Variants in MEIOSIN observed in about 807,000 individuals in gnomAD.
MEIOSIN encodes meiosis initiator protein.
In MEIOSIN, 18 loss-of-function variants were observed where a neutral mutation model predicts 23.4. The ratio of observed to expected loss-of-function variants is 0.77; its 90% CI spans 0.53 to 1.14. The LOEUF is 1.14. MEIOSIN is among the 50% of genes most tolerant of loss of function. The probability of loss-of-function intolerance (pLI) is 0.00; values close to 1 mark genes in which losing one functional copy is unlikely to be tolerated. For missense variants in MEIOSIN, 428 were observed against 242.9 expected, an observed-to-expected ratio of 1.76 and a Z score of -5.07; for synonymous variants, 187 against 100.6, an observed-to-expected ratio of 1.86 and a Z score of -5.14.
At chr19:45,755,341 G>C (rs569928234) in intron 7 of MEIOSIN, among the ~76,000 whole-genome samples, 29 of 152,132 alleles carry the variant, frequency 1.9e-4, no homozygotes, top group Middle Eastern at 3.4e-3. Context: ...GTACAAACAG[G>C]GTTTTGCCAT....
At chr19:45,759,607 T>G in intron 11 of MEIOSIN, 117 bp downstream of exon 11, 1 of 648,124 alleles carries the variant, frequency 1.5e-6, no homozygotes, top group Non-Finnish European at 2.8e-6. Context: ...TCTACCCATC[T>G]GTCCTTCCAC....
Position 45,763,075 on chromosome 19 carries a change from C to G in MEIOSIN, c.1680-263C>G, listed in dbSNP as rs112909461. On this transcript the variant is annotated intron_variant, in intron 13 of 14. Transcript: ENST00000457052. ...GAGCCAGGGGATGGGGAGGCCCCCC[C>G]CAAGCCACAGTGGAAAACAGCTAGT... 1.4e-4 allele frequency among the ~76,000 whole-genome samples: 21 copies of G among 152,346 alleles called. No individual in the cohort carries two copies. The South Asian group carries it at 1.9e-3, about 14-fold the overall frequency.
chr19:45,741,104 C>A (rs1968497128), intron 3 of MEIOSIN, among the ~76,000 whole-genome samples: 1 of 152,054 alleles, frequency 6.6e-6, no homozygotes, highest in Non-Finnish European at 1.5e-5. Flanking sequence ...AATCCCAGCA[C>A]TTTAGGAGGC....
At chr19:45,735,528 C>T in intron 2 of MEIOSIN, 81 bp downstream of exon 2, 1 of 653,704 alleles carries the variant, frequency 1.5e-6, no homozygotes, top group Non-Finnish European at 2.8e-6. Context: ...TGAGCATTTA[C>T]CGTTTGCTAG....
chr19:45,749,800 C>T (rs1416190664), intron 4 of MEIOSIN, among the ~76,000 whole-genome samples: 1 of 149,212 alleles, frequency 6.7e-6, no homozygotes, highest in African/African-American at 2.5e-5. Context: ...GTCAGGAGTT[C>T]GTGACCAGCC....
At chr19:45,757,084 C>T in intron 8 of MEIOSIN, 93 bp from the exon 9 acceptor site, 1 of 645,902 alleles carries the variant, frequency 1.5e-6, no homozygotes, top group Non-Finnish European at 2.8e-6. Context: ...CCCCAGCACT[C>T]CCCCAGGGGC....
chr19:45,742,138 A>G (rs1308392740), intron 3 of MEIOSIN, among the ~76,000 whole-genome samples: 2 of 151,856 alleles, frequency 1.3e-5, no homozygotes, highest in East Asian at 2.0e-4. Flanking sequence ...GGCCTCCCAA[A>G]GTGCTGGGAT....
chr19:45,737,175 C>CTT (rs754481912), intron 2 of MEIOSIN, among the ~76,000 whole-genome samples: 2 of 140,656 alleles, frequency 1.4e-5, no homozygotes, highest in African/African-American at 5.2e-5. Flanking sequence ...GGCTTCTTTC[C>CTT]TTTTTTTTTT....
At chr19:45,750,610 C>T (rs781153348) in intron 4 of MEIOSIN, 65 bp from the exon 5 acceptor site, 7 of 439,044 alleles carry the variant, frequency 1.6e-5, no homozygotes, top group Admixed American at 8.6e-5. Flanking sequence ...CCGCCCACCT[C>T]GGCTTCTCAA....
In MEIOSIN at chr19:45,761,914, T is replaced by C. The variant is rs976519570; in HGVS notation, c.1435-25T>C. On this transcript the variant is annotated intron_variant, in intron 12 of 14. Transcript: ENST00000457052. ...CAGGGCCAGCAGGGCCTCCTTCCTC[T>C]CTCACCACCCTCTCCCTCCCCCAGG... 17 of 609,032 alleles carry C rather than the reference T, an allele frequency of 2.8e-5. No individual in the cohort carries two copies. The African/African-American group carries it at 2.9e-4, about 11-fold the overall frequency. 37.7% of individuals were successfully genotyped at this position (609,032 alleles called of 1,614,324 possible). A position where few individuals can be genotyped will look rare whatever the true frequency, so the allele number is the denominator to read the frequency against.
intron 13 of MEIOSIN, among the ~76,000 whole-genome samples, chr19:45,762,644 T>C (rs1968969943): frequency 6.6e-6 from 1 of 152,180 alleles, no homozygotes; most frequent in Non-Finnish European, 1.5e-5. Flanking sequence ...TTTCACCATG[T>C]TGGCCAGGCT....
chr19:45,761,617 C>CT, intron 11 of MEIOSIN, 62 bp from the exon 12 acceptor site: 1 of 677,802 alleles, frequency 1.5e-6, no homozygotes, highest in Non-Finnish European at 2.7e-6. Flanking sequence ...AAAAGCAGTA[C>CT]TGGGGGGATG....
Position 45,761,961 on chromosome 19 carries a change from G to A in MEIOSIN, c.1457G>A (p.Gly486Asp), listed in dbSNP as rs987411483. ...QREDMQANPV[G>D]TPGSSEEDED... Reference sequence around the variant, plus strand: ...CAGGATATGCAGGCCAACCCTGTGGGCACGCCGGGCTCCAGCGAAGAGGAC... The same window carrying A: ...CAGGATATGCAGGCCAACCCTGTGGACACGCCGGGCTCCAGCGAAGAGGAC... The change falls in exon 13 of 15, where the codon GGC becomes GAC. Residue 486 changes from glycine to aspartate, a missense_variant. Transcript: ENST00000457052. The A allele has an allele frequency of 7.1e-6, 4 of 565,372 alleles. No individual in the cohort carries two copies. The highest frequency in any genetic ancestry group is 5.7e-5 in the African/African-American group (3 of 52,716). The allele number at this position is 565,372 out of a possible 1,614,324, so 35.0% of individuals were successfully genotyped here.
Position 45,753,703 on chromosome 19 carries a change from C to T in MEIOSIN, c.471C>T (p.Thr157=), listed in dbSNP as rs1443219590. The change falls in exon 6 of 15, where the codon ACC becomes ACT. Residue 157 remains threonine (T), a synonymous_variant. Transcript: ENST00000457052. ...CAGCCAGGCGGAGGAGACACTCTAC[C>T]CCCTCCAGCTCCCCAAGCTCTCAGA... ...WGPARRRRHS[T]PSSSPSSQKS... 4.3e-6 allele frequency: 3 copies of T among 702,964 alleles called. No individual in the cohort carries two copies. The highest frequency in any genetic ancestry group is 7.8e-6 in the Non-Finnish European group (3 of 384,966). 43.5% of individuals were successfully genotyped at this position (702,964 alleles called of 1,614,324 possible). A position where few individuals can be genotyped will look rare whatever the true frequency, so the allele number is the denominator to read the frequency against.
At chr19:45,755,621 G>A (rs976050708) in intron 7 of MEIOSIN, among the ~76,000 whole-genome samples, 1 of 151,976 alleles carries the variant, frequency 6.6e-6, no homozygotes. Flanking sequence ...GCTAATTTTT[G>A]TATTTTTAGT....
At chr19:45,739,916 C>T (rs978193112) in intron 3 of MEIOSIN, among the ~76,000 whole-genome samples, 186 bp downstream of exon 3, 3 of 151,908 alleles carry the variant, frequency 2.0e-5, no homozygotes, top group Non-Finnish European at 4.4e-5. Flanking sequence ...GGCGCAATCT[C>T]GGCTCACTGT....
rs940082819 is a variant in MEIOSIN, at chr19:45,745,180, G to T, written c.177-12G>T. 1.4e-6 allele frequency: 1 copy of T among 702,412 alleles called. No individual in the cohort carries two copies. The highest frequency in any genetic ancestry group is 2.7e-5 in the East Asian group (1 of 37,284). 43.5% of individuals were successfully genotyped at this position (702,412 alleles called of 1,614,324 possible). ...GATGTCCTAACCAAAACCAGCTCCT[G>T]TCCCCAAACAGGAATCAGAGGAACC... On this transcript the variant is annotated splice_polypyrimidine_tract_variant and intron_variant, in intron 3 of 14. Coordinates refer to ENST00000457052, the MANE Select transcript of MEIOSIN (RefSeq NM_001310124.2).
At chr19:45,743,845 C>T (rs149653060) in intron 3 of MEIOSIN, among the ~76,000 whole-genome samples, 30 of 151,678 alleles carry the variant, frequency 2.0e-4, no homozygotes, top group African/African-American at 6.8e-4. Context: ...TTCATAAAGG[C>T]GAGGTCTCAC....
At chr19:45,762,811 T>C (rs1319732959) in intron 13 of MEIOSIN, among the ~76,000 whole-genome samples, 4 of 152,186 alleles carry the variant, frequency 2.6e-5, no homozygotes, top group African/African-American at 9.6e-5. Flanking sequence ...GAGACATAGC[T>C]GGTTTTAGGG....
Sources: gnomAD v4.1 joint callset for allele counts (sites outside exome capture counted in the v4.1 genomes callset) on GRCh38, gnomAD v4.1.1 for gene constraint, MANE v1.5 for transcripts, NCBI Gene and HGNC (gene_info 2026-07-23, HGNC 2026-07-21) for gene names.